Variants in DLG2 observed in about 807,000 individuals in gnomAD.
DLG2 encodes the protein disks large homolog 2.
A neutral mutation model predicts 132.5 loss-of-function variants in DLG2; 45 were observed. The ratio of observed to expected loss-of-function variants is 0.34; its 90% CI spans 0.27 to 0.44. DLG2 has a LOEUF of 0.44. DLG2 is among the 20% of genes least tolerant of loss of function. DLG2 has a pLI of 1.00. For missense variants in DLG2, 1,045 were observed against 1,196.9 expected (o/e 0.87, Z 1.87); for synonymous variants, 424 against 419.6 (o/e 1.01, Z -0.13).
chr11:85,408,660 T>G (rs540611385), intron 3 of DLG2, among the ~76,000 whole-genome samples: 1 of 150,738 alleles, frequency 6.6e-6, no homozygotes, highest in South Asian at 2.1e-4. Flanking sequence ...GGTTTTTTGT[T>G]CTTGCGATAG....
intron 7 of DLG2, among the ~76,000 whole-genome samples, chr11:84,345,560 T>C (rs942856532): frequency 6.6e-6 from 1 of 152,110 alleles, no homozygotes; most frequent in Admixed American, 6.5e-5. Context: ...AGAGAAAGAG[T>C]CACATGAAGA....
chr11:84,574,362 G>GAA (rs35040163), intron 6 of DLG2, among the ~76,000 whole-genome samples: 54 of 134,768 alleles, frequency 4.0e-4, no homozygotes, highest in African/African-American at 1.2e-3. Flanking sequence ...CTCTTAAACA[G>GAA]AAAAAAAAAA....
intron 6 of DLG2, among the ~76,000 whole-genome samples, chr11:85,078,792 A>G (rs1200697426): frequency 6.6e-6 from 1 of 152,136 alleles, no homozygotes; most frequent in African/African-American, 2.4e-5. Flanking sequence ...TGGATTTGTC[A>G]ACATAAAAAT....
chr11:84,805,933 A>C (rs2075947328), intron 6 of DLG2, among the ~76,000 whole-genome samples: 1 of 152,244 alleles, frequency 6.6e-6, no homozygotes, highest in Non-Finnish European at 1.5e-5. Flanking sequence ...ACATACTTGA[A>C]ACAAATGGAA....
chr11:83,503,061 C>T (rs947637447), intron 21 of DLG2, among the ~76,000 whole-genome samples: 1 of 151,870 alleles, frequency 6.6e-6, no homozygotes, highest in African/African-American at 2.4e-5. Context: ...AAAAACCTCA[C>T]AATTTAATGA....
intron 6 of DLG2, among the ~76,000 whole-genome samples, chr11:84,675,876 T>C (rs906261149): frequency 4.6e-5 from 7 of 152,204 alleles, no homozygotes; most frequent in South Asian, 2.1e-4. Context: ...CTCTGGCCTC[T>C]TTCTCCTCCC....
At chr11:84,805,283 A>T (rs1208736222) in intron 6 of DLG2, among the ~76,000 whole-genome samples, 2 of 152,184 alleles carry the variant, frequency 1.3e-5, no homozygotes, top group African/African-American at 4.8e-5. Flanking sequence ...CCCATTTGAC[A>T]GTGATAAGGC....
At chr11:83,771,703 A>T (rs1425714584) in intron 18 of DLG2, among the ~76,000 whole-genome samples, 3 of 152,206 alleles carry the variant, frequency 2.0e-5, no homozygotes, top group Admixed American at 6.5e-5. Context: ...ATTGTTAAAC[A>T]TTATTTTGTG....
chr11:84,369,547 G>A (rs2098697737), intron 7 of DLG2, among the ~76,000 whole-genome samples: 1 of 152,018 alleles, frequency 6.6e-6, no homozygotes, highest in African/African-American at 2.4e-5. Flanking sequence ...GATGGGGCGG[G>A]CAGACATACA....
rs1380037145 is a variant in DLG2 at position 83,849,861 on chromosome 11, A to G, written c.1566-16091T>C. Among the ~76,000 whole-genome samples, 5 of 151,944 alleles carry G rather than the reference A, an allele frequency of 3.3e-5. No homozygotes were observed. In the East Asian group the frequency reaches 9.7e-4, roughly 29 times the overall value. ...TCTAAAATGTGCTTACTGTAAATGA[A>G]CTCCCTTTCCCCCGGCCTTCGTGTC... is the stretch of plus-strand genomic sequence containing the variant. On this transcript the variant is annotated intron_variant, in intron 16 of 27. Transcript: ENST00000376104.
intron 7 of DLG2, among the ~76,000 whole-genome samples, chr11:84,399,700 A>T (rs572825715): frequency 3.9e-5 from 6 of 152,162 alleles, no homozygotes; most frequent in Admixed American, 2.0e-4. Context: ...TACAGGTGTG[A>T]GCCACTGTGC....
chr11:84,448,670 G>T (rs1602315539), intron 7 of DLG2, among the ~76,000 whole-genome samples: 1 of 151,936 alleles, frequency 6.6e-6, no homozygotes, highest in South Asian at 2.1e-4. Context: ...ACCAGACAGA[G>T]CCAGTAACTC....
intron 8 of DLG2, among the ~76,000 whole-genome samples, chr11:84,207,361 C>A (rs1346030698): frequency 1.3e-5 from 2 of 151,628 alleles, no homozygotes; most frequent in Non-Finnish European, 1.5e-5. Flanking sequence ...AAAAAAAAAT[C>A]AGATAATTTG....
intron 10 of DLG2, among the ~76,000 whole-genome samples, chr11:84,092,023 A>G (rs1188174025): frequency 1.3e-5 from 2 of 152,202 alleles, no homozygotes; most frequent in African/African-American, 4.8e-5. Context: ...CTCTGTTTTT[A>G]AAAGTCTCAT....
rs1438621769 is a variant in DLG2, at chr11:84,390,812, C to T, written c.520-139521G>A. ...TGATACCATGGTAACCATAAAATCTCAGCGGCTTACCATGTGGACAGTTTA... is the reference window on the plus strand; with the variant it reads ...TGATACCATGGTAACCATAAAATCTTAGCGGCTTACCATGTGGACAGTTTA... On this transcript the variant is annotated intron_variant, in intron 7 of 27. Coordinates refer to ENST00000376104, the MANE Select transcript of DLG2 (RefSeq NM_001142699.3). Among the ~76,000 whole-genome samples, 3 of 152,142 alleles carry T rather than the reference C, an allele frequency of 2.0e-5. No individual in the cohort carries two copies. In the East Asian group the frequency reaches 5.8e-4, roughly 29 times the overall value.
chr11:83,569,489 C>A (rs757217910), intron 19 of DLG2, among the ~76,000 whole-genome samples: 3 of 152,114 alleles, frequency 2.0e-5, no homozygotes, highest in Non-Finnish European at 4.4e-5. Context: ...ACATTTTAAT[C>A]CTCATTTTAC....
intron 18 of DLG2, among the ~76,000 whole-genome samples, chr11:83,704,846 A>G (rs2083625743): frequency 6.6e-6 from 1 of 152,006 alleles, no homozygotes; most frequent in Non-Finnish European, 1.5e-5. Flanking sequence ...ATAAAGATAT[A>G]ATTCAGCAGG....
chr11:85,591,599 T>G (rs1188937239), intron 3 of DLG2, among the ~76,000 whole-genome samples: 1 of 152,014 alleles, frequency 6.6e-6, no homozygotes, highest in Admixed American at 6.6e-5. Context: ...AAAAATTAGC[T>G]GGGCGTGGTG....
At chr11:84,802,111 C>G (rs1306468382) in intron 6 of DLG2, among the ~76,000 whole-genome samples, 1 of 130,224 alleles carries the variant, frequency 7.7e-6, no homozygotes. Context: ...AAAAAAAAAG[C>G]AAAAAAAAAA....
Sources: gnomAD v4.1 joint callset for allele counts (sites outside exome capture counted in the v4.1 genomes callset) on GRCh38, gnomAD v4.1.1 for gene constraint, MANE v1.5 for transcripts, NCBI Gene and HGNC (gene_info 2026-07-23, HGNC 2026-07-21) for gene names.